The following NELL1 variants were observed in gnomAD, a reference collection of about 807,000 sequenced individuals.
NELL1 encodes protein kinase C-binding protein NELL1.
A neutral mutation model predicts 107.4 loss-of-function variants in NELL1; 76 were observed. That is an observed-to-expected ratio of 0.71 (90% confidence interval 0.59 to 0.86). The LOEUF (loss-of-function observed/expected upper bound fraction) is 0.86, where lower values mean the gene tolerates loss of function less well. Ranked by LOEUF, NELL1 falls within the 40% of genes least tolerant of loss-of-function variation. The pLI is 0.00. For missense variants in NELL1, 1,024 were observed against 1,005.5 expected (o/e 1.02, Z -0.25); for synonymous variants, 353 against 341.2 (o/e 1.03, Z -0.38).
intron 14 of NELL1, among the ~76,000 whole-genome samples, chr11:21,322,131 G>A (rs146901618): frequency 6.6e-6 from 1 of 152,152 alleles, no homozygotes; most frequent in Non-Finnish European, 1.5e-5. Context: ...CTCCTGTTTT[G>A]CAATGACAGG....
intron 15 of NELL1, among the ~76,000 whole-genome samples, chr11:21,486,188 C>G (rs117532683): frequency 2.6e-5 from 4 of 152,092 alleles, no homozygotes; most frequent in Admixed American, 2.6e-4. Context: ...CCTGGACTTA[C>G]GAACACTAGA....
intron 13 of NELL1, among the ~76,000 whole-genome samples, chr11:21,146,396 G>T (rs1024959956): frequency 2.6e-5 from 4 of 152,190 alleles, no homozygotes. Context: ...AAGGATGAGG[G>T]GAAGAAATAG....
intron 13 of NELL1, among the ~76,000 whole-genome samples, chr11:21,153,860 T>A (rs923734955): frequency 2.0e-5 from 3 of 152,142 alleles, no homozygotes; most frequent in Non-Finnish European, 2.9e-5. Context: ...ACTGTGCTAG[T>A]TATTTCTCTT....
intron 4 of NELL1, among the ~76,000 whole-genome samples, chr11:20,867,156 T>G (rs183249226): frequency 6.6e-6 from 1 of 152,120 alleles, no homozygotes; most frequent in Admixed American, 6.5e-5. Context: ...GATTAGAAAA[T>G]GGGAGACTTG....
intron 15 of NELL1, among the ~76,000 whole-genome samples, chr11:21,404,412 C>T (rs1347343868): frequency 1.3e-5 from 2 of 151,788 alleles, no homozygotes; most frequent in South Asian, 4.2e-4. Context: ...GTATGTGGCC[C>T]ATAAGAAAGC....
At chr11:20,967,877 T>C (rs1851418241) in intron 12 of NELL1, among the ~76,000 whole-genome samples, 1 of 152,184 alleles carries the variant, frequency 6.6e-6, no homozygotes, top group South Asian at 2.1e-4. Context: ...CTATGTGAAC[T>C]GGAACCTGCC....
chr11:20,720,258 A>G (rs1390784852), intron 2 of NELL1, among the ~76,000 whole-genome samples: 1 of 143,844 alleles, frequency 7.0e-6, no homozygotes, highest in African/African-American at 2.6e-5. Context: ...GGCTGGAGTG[A>G]GTGCAGTGGT....
At chr11:21,562,514 T>A (rs1856874287) in intron 17 of NELL1, among the ~76,000 whole-genome samples, 1 of 152,020 alleles carries the variant, frequency 6.6e-6, no homozygotes, top group African/African-American at 2.4e-5. Flanking sequence ...AGGAGCTGAA[T>A]TAAGCATCCT....
At chr11:20,837,533 T>G (rs1453249135) in intron 3 of NELL1, among the ~76,000 whole-genome samples, 1 of 152,184 alleles carries the variant, frequency 6.6e-6, no homozygotes, top group African/African-American at 2.4e-5. Context: ...TCGCATACCA[T>G]TCTCCAGTAG....
At chr11:20,887,476 A>G (rs1849533394) in intron 5 of NELL1, among the ~76,000 whole-genome samples, 1 of 152,212 alleles carries the variant, frequency 6.6e-6, no homozygotes, top group Non-Finnish European at 1.5e-5. Context: ...ATCTATGAAA[A>G]TTTCAGTTAG....
rs149266168 is a variant in NELL1, at chr11:21,097,430, C to T, written c.1301-16159C>T. Among the ~76,000 whole-genome samples, 412 of 152,272 alleles carry T rather than the reference C, an allele frequency of 2.7e-3. 5 individuals are homozygous for T. The highest frequency in any genetic ancestry group is 9.3e-3 in the African/African-American group (385 of 41,546). On this transcript the variant is annotated intron_variant, in intron 12 of 19. Coordinates refer to ENST00000357134, the MANE Select transcript of NELL1 (RefSeq NM_006157.5). ...CACCAGGGGGTTTTTATATCCTGGA[C>T]GCAGTCCTTATCTCTTTGTCCCTCC...
chr11:21,507,971 A>G (rs78451366), intron 15 of NELL1, among the ~76,000 whole-genome samples: 26,668 of 151,614 alleles, frequency 0.18, 2,428 homozygotes, highest in East Asian at 0.28. Context: ...AGTAGAGATG[A>G]GGGTTTCACC....
intron 2 of NELL1, among the ~76,000 whole-genome samples, chr11:20,731,276 A>C (rs1855633332): frequency 2.6e-5 from 4 of 152,244 alleles, no homozygotes; most frequent in Admixed American, 2.6e-4. Context: ...GTGGGCTTAA[A>C]GCACTTTGGA....
At chr11:21,164,792 A>C (rs1288354662) in intron 13 of NELL1, among the ~76,000 whole-genome samples, 1 of 152,112 alleles carries the variant, frequency 6.6e-6, no homozygotes, top group African/African-American at 2.4e-5. Flanking sequence ...AAAGACTTTG[A>C]CTCTGTTTCC....
intron 14 of NELL1, among the ~76,000 whole-genome samples, chr11:21,329,792 G>A (rs1850231171): frequency 6.6e-6 from 1 of 151,990 alleles, no homozygotes; most frequent in African/African-American, 2.4e-5. Context: ...TACCTAATGA[G>A]AATCTATGTC....
intron 5 of NELL1, among the ~76,000 whole-genome samples, chr11:20,907,195 G>A (rs1014836350): frequency 2.2e-5 from 3 of 135,748 alleles, no homozygotes; most frequent in African/African-American, 7.9e-5. Flanking sequence ...AAATATCTAT[G>A]GGCTTGCATT....
chr11:21,329,430 T>C (rs954109615), intron 14 of NELL1, among the ~76,000 whole-genome samples: 8 of 152,084 alleles, frequency 5.3e-5, no homozygotes, highest in South Asian at 2.1e-4. Flanking sequence ...CACTATAAAT[T>C]ACCCAGTCTT....
intron 13 of NELL1, among the ~76,000 whole-genome samples, chr11:21,148,592 A>G (rs1791842): frequency 6.6e-6 from 1 of 151,940 alleles, no homozygotes; most frequent in South Asian, 2.1e-4. Flanking sequence ...ACAGCGTGGG[A>G]TCAACTTCTC....
intron 13 of NELL1, chr11:21,169,983 T>C: frequency 7.4e-7 from 1 of 1,344,388 alleles, no homozygotes; most frequent in Non-Finnish European, 1.1e-6. Context: ...GACAGTGCAA[T>C]GCGGGCTCCT....
Sources: allele counts gnomAD v4.1 joint callset (sites outside exome capture counted in the v4.1 genomes callset), GRCh38; gene constraint gnomAD v4.1.1; transcripts MANE v1.5; gene names NCBI Gene and HGNC (gene_info 2026-07-23, HGNC 2026-07-21).